Variants in TMTC2 observed in about 807,000 individuals in gnomAD.
The protein encoded by TMTC2 is transmembrane O-mannosyltransferase targeting cadherins 2, also known as protein O-mannosyl-transferase TMTC2.
In TMTC2, 43 loss-of-function variants were observed where a neutral mutation model predicts 82.4. That is an observed-to-expected ratio of 0.52 (90% CI 0.41 to 0.67). The LOEUF is 0.67. TMTC2 is among the 30% of genes least tolerant of loss of function. The probability of loss-of-function intolerance (pLI) is 0.00; values close to 1 mark genes in which losing one functional copy is unlikely to be tolerated. For missense variants in TMTC2, 919 were observed against 1,012.4 expected (o/e 0.91, Z 1.25); for synonymous variants, 408 against 381.9 (o/e 1.07, Z -0.80).
intron 4 of TMTC2, among the ~76,000 whole-genome samples, chr12:82,964,287 G>A (rs12304509): frequency 6.6e-6 from 1 of 151,954 alleles, no homozygotes; most frequent in South Asian, 2.1e-4. Flanking sequence ...GATTTCATTC[G>A]GTCATGAGGG....
intron 9 of TMTC2, among the ~76,000 whole-genome samples, chr12:83,047,718 C>T (rs543396373): frequency 6.6e-6 from 1 of 152,008 alleles, no homozygotes; most frequent in Non-Finnish European, 1.5e-5. Flanking sequence ...CACCATTTAC[C>T]CTACTAAAAA....
At chr12:82,984,954 G>T (rs1592674948) in intron 7 of TMTC2, among the ~76,000 whole-genome samples, 3 of 152,142 alleles carry the variant, frequency 2.0e-5, no homozygotes, top group South Asian at 2.1e-4. Context: ...TGTATGTAGT[G>T]CTGGGCATGC....
At position 82,965,066 on chromosome 12, in the gene TMTC2, A is replaced by G. The variant is rs201757262; in HGVS notation, c.1641A>G (p.Leu547=). The G allele has an allele frequency of 1.1e-5, 17 of 1,612,656 alleles. No individual in the cohort carries two copies. The East Asian group carries it at 3.8e-4, about 36-fold the overall frequency. Residue 547 remains leucine, a synonymous_variant, in exon 5 of 12, where the codon CTA becomes CTG. Transcript: ENST00000321196. The part of the protein sequence containing the change: ...LQENSRFAEA[L]HYYKLAIGSR... ...AGAACAGCAGGTTTGCAGAAGCACT[A>G]CATTATTATAAATTGGCCATTGGGA...
Position 82,942,252 on chromosome 12 carries a change from C to T in TMTC2, c.1598+11707C>T, listed in dbSNP as rs937784980. On this transcript the variant is annotated intron_variant, in intron 4 of 11. Transcript: ENST00000321196. ...ATTTCAGCAAAATACACTTCAATAG[C>T]TCCATTTGTTAATCAGAAAAAATTA... 2.0e-5 allele frequency among the ~76,000 whole-genome samples: 3 copies of T among 152,110 alleles called. 1 individual carries two copies. Among genetic ancestry groups the T allele is most frequent in the African/African-American group, 7.2e-5 (3 of 41,420 alleles).
At chr12:83,091,100 C>T (rs985371146) in intron 11 of TMTC2, among the ~76,000 whole-genome samples, 5 of 152,184 alleles carry the variant, frequency 3.3e-5, no homozygotes, top group African/African-American at 9.7e-5. Context: ...GCACATCATA[C>T]TTTGCCCTCA....
chr12:82,843,180 G>A (rs530569396), intron 1 of TMTC2, among the ~76,000 whole-genome samples: 3 of 151,840 alleles, frequency 2.0e-5, no homozygotes, highest in African/African-American at 4.8e-5. Context: ...TCTGCCTCCC[G>A]GGTTCAAGCG....
At position 83,104,722 on chromosome 12, in the gene TMTC2, T is replaced by C. The variant is rs553163510; in HGVS notation, c.2332-27488T>C. Among the ~76,000 whole-genome samples the C allele has an allele frequency of 3.9e-5, 6 of 152,314 alleles. No homozygotes were observed. The South Asian group carries it at 1.0e-3, about 26-fold the overall frequency. On this transcript the variant is annotated intron_variant, in intron 11 of 11. Coordinates refer to ENST00000321196, the MANE Select transcript of TMTC2 (RefSeq NM_152588.3). ...CTGTGAAGGTCTCTTTTCCCCATTATCTTGGATATTAGCATTTGGCTCCAT... is the reference window on the plus strand; with the variant it reads ...CTGTGAAGGTCTCTTTTCCCCATTACCTTGGATATTAGCATTTGGCTCCAT...
intron 2 of TMTC2, among the ~76,000 whole-genome samples, chr12:82,888,607 T>C (rs1796202): frequency 0.26 from 39,649 of 152,162 alleles, 7,247 homozygotes; most frequent in African/African-American, 0.52. Context: ...TGAGCCTTTG[T>C]GTGGGATATT....
intron 1 of TMTC2, among the ~76,000 whole-genome samples, chr12:82,709,831 G>T (rs1873541422): frequency 6.6e-6 from 1 of 152,218 alleles, no homozygotes; most frequent in Non-Finnish European, 1.5e-5. Flanking sequence ...TAATATTCAT[G>T]CATTTCTATG....
chr12:83,056,577 C>A (rs1480321860), intron 10 of TMTC2, among the ~76,000 whole-genome samples: 1 of 151,788 alleles, frequency 6.6e-6, no homozygotes, highest in Non-Finnish European at 1.5e-5. Flanking sequence ...AAAACAGAAT[C>A]AAATTGTTTT....
chr12:82,989,817 C>G (rs1879326166), intron 8 of TMTC2, among the ~76,000 whole-genome samples: 1 of 151,310 alleles, frequency 6.6e-6, no homozygotes, highest in African/African-American at 2.4e-5. Context: ...AGGAAAGACT[C>G]CTATACTACA....
intron 1 of TMTC2, among the ~76,000 whole-genome samples, chr12:82,822,746 A>G (rs981887318): frequency 6.6e-6 from 1 of 152,198 alleles, no homozygotes; most frequent in Non-Finnish European, 1.5e-5. Context: ...TGGTACTAAA[A>G]ATAGGTGATA....
intron 2 of TMTC2, among the ~76,000 whole-genome samples, chr12:82,886,642 T>A: frequency 6.6e-6 from 1 of 152,236 alleles, no homozygotes; most frequent in East Asian, 1.9e-4. Flanking sequence ...TTTTTTGCGA[T>A]ACCAAACATT....
intron 1 of TMTC2, among the ~76,000 whole-genome samples, chr12:82,719,732 A>G (rs1874112431): frequency 7.1e-6 from 1 of 141,500 alleles, no homozygotes; most frequent in East Asian, 2.1e-4. Flanking sequence ...TTTGGCCCCA[A>G]GTAACCTTGG....
At chr12:82,992,117 A>G (rs186184912) in intron 8 of TMTC2, among the ~76,000 whole-genome samples, 5 of 152,334 alleles carry the variant, frequency 3.3e-5, no homozygotes, top group Non-Finnish European at 5.9e-5. Context: ...TAATTAGGCT[A>G]CATAAAACTC....
intron 3 of TMTC2, among the ~76,000 whole-genome samples, chr12:82,908,707 G>A (rs891803341): frequency 2.0e-5 from 3 of 152,018 alleles, no homozygotes; most frequent in African/African-American, 7.2e-5. Flanking sequence ...TTCCCTCAAA[G>A]ATTTTATGTA....
chr12:83,052,945 CTT>C (rs59002751), intron 10 of TMTC2, among the ~76,000 whole-genome samples: 51,071 of 151,798 alleles, frequency 0.34, 9,041 homozygotes, highest in South Asian at 0.46. Context: ...AGCAGCCTGA[CTT>C]TCTCCTACTC....
rs746227294 is a variant in TMTC2, at chr12:82,857,362, CTCT to C, written c.441_443del (p.Phe148del). 6.2e-7 allele frequency: 1 copy of C among 1,614,166 alleles called. No homozygotes were observed. The highest frequency in any genetic ancestry group is 1.1e-5 in the South Asian group (1 of 91,070). On this transcript the variant is annotated inframe_deletion, in exon 2 of 12. Coordinates refer to ENST00000321196, the MANE Select transcript of TMTC2 (RefSeq NM_152588.3). ...GGGACGAGCCGATGTCGGGGCCAGTCTCTTCTTTCTCCTCTCCTTGCTCTGCTA... is the reference window on the plus strand; with the variant it reads ...GGGACGAGCCGATGTCGGGGCCAGTCTCTTTCTCCTCTCCTTGCTCTGCTA...
At chr12:83,035,724 A>T (rs1176240627) in intron 9 of TMTC2, among the ~76,000 whole-genome samples, 4 of 152,146 alleles carry the variant, frequency 2.6e-5, no homozygotes, top group African/African-American at 9.7e-5. Context: ...TGGGCCTGTA[A>T]TTCAAGGGAT....
Sources: gnomAD v4.1 joint callset for allele counts (sites outside exome capture counted in the v4.1 genomes callset) on GRCh38, gnomAD v4.1.1 for gene constraint, MANE v1.5 for transcripts, NCBI Gene and HGNC (gene_info 2026-07-23, HGNC 2026-07-21) for gene names.